Variants in PPP4R2 observed in about 807,000 individuals in gnomAD.
The protein encoded by PPP4R2 is protein phosphatase 4 regulatory subunit 2, also known as serine/threonine-protein phosphatase 4 regulatory subunit 2.
PPP4R2 carries 13 observed loss-of-function variants against 47.2 expected under a neutral mutation model. The ratio of observed to expected loss-of-function variants is 0.28; its 90% CI spans 0.18 to 0.44. PPP4R2 has a LOEUF of 0.44. PPP4R2 is among the 20% of genes least tolerant of loss of function. The pLI is 1.00. For missense variants in PPP4R2, 421 were observed against 491.2 expected (o/e 0.86, Z 1.35); for synonymous variants, 151 against 163.3 (o/e 0.92, Z 0.57).
chr3:73,038,398 T>C (rs1559559240), intron 2 of PPP4R2, among the ~76,000 whole-genome samples: 1 of 151,786 alleles, frequency 6.6e-6, no homozygotes, highest in Non-Finnish European at 1.5e-5. Flanking sequence ...TTTTTGGAGA[T>C]GGAGTCTCAC....
intron 3 of PPP4R2, 34 bp downstream of exon 3, chr3:73,047,390 T>C (rs2107310665): frequency 7.1e-7 from 1 of 1,399,042 alleles, no homozygotes; most frequent in Non-Finnish European, 9.7e-7. Context: ...AGATTTAATT[T>C]TTAGCAGAAG....
chr3:73,037,596 C>G (rs180743813), intron 2 of PPP4R2, among the ~76,000 whole-genome samples: 7 of 152,302 alleles, frequency 4.6e-5, no homozygotes, highest in Admixed American at 4.6e-4. Context: ...CAGCACATCA[C>G]AAGCTAAAAC....
At chr3:73,052,980 A>G (rs1057413620) in intron 3 of PPP4R2, among the ~76,000 whole-genome samples, 1 of 152,212 alleles carries the variant, frequency 6.6e-6, no homozygotes, top group African/African-American at 2.4e-5. Context: ...AACAACCCAC[A>G]TTTGATTTTC....
At chr3:73,060,267 C>A (rs72877552) in intron 4 of PPP4R2, among the ~76,000 whole-genome samples, 3 of 152,122 alleles carry the variant, frequency 2.0e-5, no homozygotes, top group Admixed American at 2.0e-4. Flanking sequence ...TCCCCAAAGG[C>A]CAGGAAACTG....
intron 2 of PPP4R2, among the ~76,000 whole-genome samples, chr3:73,032,237 T>G (rs1702179521): frequency 6.6e-6 from 1 of 152,198 alleles, no homozygotes; most frequent in Non-Finnish European, 1.5e-5. Flanking sequence ...ACTTTAAATT[T>G]TCTTTGTTTT....
intron 3 of PPP4R2, among the ~76,000 whole-genome samples, chr3:73,055,643 T>C (rs77360757): frequency 8.0e-5 from 12 of 149,560 alleles, no homozygotes; most frequent in South Asian, 4.3e-4. Context: ...TCAGATGATA[T>C]ATCATTGCAG....
intron 2 of PPP4R2, among the ~76,000 whole-genome samples, chr3:73,001,970 C>T (rs1018692407): frequency 6.6e-6 from 1 of 152,142 alleles, no homozygotes; most frequent in African/African-American, 2.4e-5. Flanking sequence ...GTAATAAATA[C>T]ATGTATATTC....
chr3:73,034,424 C>T (rs186885574), intron 2 of PPP4R2, among the ~76,000 whole-genome samples: 10 of 152,340 alleles, frequency 6.6e-5, no homozygotes, highest in African/African-American at 2.4e-4. Flanking sequence ...AGTTAGTGGA[C>T]ACATATTTTC....
intron 1 of PPP4R2, among the ~76,000 whole-genome samples, chr3:72,997,657 C>A (rs1364502350): frequency 6.6e-6 from 1 of 152,156 alleles, no homozygotes; most frequent in African/African-American, 2.4e-5. Flanking sequence ...GAGAATTATT[C>A]TTTGACATTC....
At chr3:73,005,679 T>C (rs1167874638) in intron 2 of PPP4R2, among the ~76,000 whole-genome samples, 8 of 151,888 alleles carry the variant, frequency 5.3e-5, no homozygotes, top group South Asian at 2.1e-4. Flanking sequence ...AGAAACCCCA[T>C]CTCTACTAAA....
chr3:73,062,400 G>T (rs752941850), intron 5 of PPP4R2: 21 of 1,607,772 alleles, frequency 1.3e-5, no homozygotes, highest in Non-Finnish European at 1.4e-5. Context: ...TAAAAAAGCA[G>T]CCAAGTCTAT....
intron 2 of PPP4R2, among the ~76,000 whole-genome samples, chr3:73,025,546 T>C (rs1702046848): frequency 6.6e-6 from 1 of 152,198 alleles, no homozygotes; most frequent in Non-Finnish European, 1.5e-5. Context: ...AAGGAAGTTA[T>C]AAACAAAGTG....
intron 2 of PPP4R2, among the ~76,000 whole-genome samples, chr3:73,000,664 A>G (rs2107195292): frequency 6.6e-6 from 1 of 152,340 alleles, no homozygotes; most frequent in East Asian, 1.9e-4. Context: ...AAGACATACT[A>G]AATTGATGTG....
chr3:73,022,469 C>G (rs765620404), intron 2 of PPP4R2, among the ~76,000 whole-genome samples: 3 of 152,124 alleles, frequency 2.0e-5, no homozygotes, highest in Non-Finnish European at 4.4e-5. Flanking sequence ...ATAGAAGCCT[C>G]ATAATGTGTG....
At chr3:73,020,383 TGTG>T (rs1267051969) in intron 2 of PPP4R2, among the ~76,000 whole-genome samples, 6 of 152,062 alleles carry the variant, frequency 3.9e-5, no homozygotes, top group African/African-American at 1.4e-4. Context: ...TTTGGCCAGT[TGTG>T]GTGGGTGGCT....
chr3:73,060,443 T>C (rs562766734), intron 4 of PPP4R2, among the ~76,000 whole-genome samples: 1 of 152,306 alleles, frequency 6.6e-6, no homozygotes, highest in South Asian at 2.1e-4. Flanking sequence ...CAGTTAGTTT[T>C]CTCCTCTGTA....
intron 5 of PPP4R2, chr3:73,062,847 C>T (rs1060584): frequency 0.52 from 831,723 of 1,610,910 alleles, 216,994 homozygotes; most frequent in African/African-American, 0.62. Context: ...AATGTTCACA[C>T]TTCTATTTGG....
chr3:73,028,602 A>G (rs180744216), intron 2 of PPP4R2, among the ~76,000 whole-genome samples: 3 of 151,994 alleles, frequency 2.0e-5, no homozygotes, highest in East Asian at 3.9e-4. Flanking sequence ...CACCATGCCC[A>G]GCTAATTGTT....
intron 1 of PPP4R2, 95 bp downstream of exon 1, chr3:72,997,166 C>A: frequency 1.9e-6 from 2 of 1,063,800 alleles, no homozygotes; most frequent in African/African-American, 1.6e-5. Context: ...CGGGGCCGGG[C>A]GCGGCGTGGG....
Sources: gnomAD v4.1 joint callset for allele counts (sites outside exome capture counted in the v4.1 genomes callset) on GRCh38, gnomAD v4.1.1 for gene constraint, MANE v1.5 for transcripts, NCBI Gene and HGNC (gene_info 2026-07-23, HGNC 2026-07-21) for gene names.